Variants in PLPP4 observed in about 807,000 individuals in gnomAD.
PLPP4 encodes the protein diacylglycerol pyrophosphate like 2.
A neutral mutation model predicts 32.2 loss-of-function variants in PLPP4; 20 were observed. The ratio of observed to expected loss-of-function variants is 0.62; its 90% CI spans 0.44 to 0.90. The LOEUF (loss-of-function observed/expected upper bound fraction) is 0.90. Ranked by LOEUF, PLPP4 falls within the 40% of genes least tolerant of loss-of-function variation. PLPP4 has a pLI of 0.00. For missense variants in PLPP4, 257 were observed against 353.1 expected (o/e 0.73, Z 2.18); for synonymous variants, 127 against 133.0 (o/e 0.95, Z 0.31).
At position 120,542,113 on chromosome 10, in the gene PLPP4, G is replaced by A. The variant is rs1452513964; in HGVS notation, c.445+21018G>A. On this transcript the variant is annotated intron_variant, in intron 5 of 6. Transcript: ENST00000398250. ...CCACATGTAATGAGCACAGCAAGGC[G>A]CTGTTGCCTGCTAGCCTCCAGCTTG... Among the ~76,000 whole-genome samples, 4 of 152,300 alleles carry A rather than the reference G, an allele frequency of 2.6e-5. No individual in the cohort carries two copies. In the South Asian group the frequency reaches 6.2e-4, roughly 24 times the overall value.
rs548092267 is a variant in PLPP4, at chr10:120,591,539, A to G, written c.*2037A>G. Among the ~76,000 whole-genome samples, 13 of 152,274 alleles carry G rather than the reference A, an allele frequency of 8.5e-5. No individual in the cohort carries two copies. The highest frequency in any genetic ancestry group is 3.1e-4 in the African/African-American group (13 of 41,564). On this transcript the variant is annotated 3_prime_UTR_variant, in exon 7 of 7. Transcript: ENST00000398250. The stretch of plus-strand genomic sequence containing the variant: ...AAATTAGAAAATTAAACAATACTCT[A>G]ATTTAACTAAAAACTCTATAATTTT...
rs78873779 is a variant in PLPP4, at chr10:120,467,349, C to T, written c.56+9988C>T. 3.1e-5 allele frequency among the ~76,000 whole-genome samples: 2 copies of T among 64,484 alleles called. 1 individual carries two copies. The highest frequency in any genetic ancestry group is 9.0e-5 in the Non-Finnish European group (2 of 22,214). The allele number at this position is 64,484 out of a possible 152,430, so 42.3% of individuals were successfully genotyped here. ...TCGTGATCTGCCCGCCTCAGCCTCC[C>T]AAAGTGCTGGGATTACAGGCGTGAG... On this transcript the variant is annotated intron_variant, in intron 1 of 6. Transcript: ENST00000398250.
At chr10:120,462,082 G>A (rs1848076385) in intron 1 of PLPP4, among the ~76,000 whole-genome samples, 1 of 152,210 alleles carries the variant, frequency 6.6e-6, no homozygotes, top group Non-Finnish European at 1.5e-5. Flanking sequence ...GCATGTGCCA[G>A]GGAAGGCTGC....
At chr10:120,550,988 A>C (rs189423436) in intron 5 of PLPP4, among the ~76,000 whole-genome samples, 9 of 152,224 alleles carry the variant, frequency 5.9e-5, no homozygotes, top group African/African-American at 2.2e-4. Context: ...TTTACAGTTC[A>C]TATGTCTCAA....
intron 5 of PLPP4, among the ~76,000 whole-genome samples, chr10:120,523,840 G>C (rs760947078): frequency 6.6e-6 from 1 of 152,152 alleles, no homozygotes; most frequent in Non-Finnish European, 1.5e-5. Flanking sequence ...GTCTACTGTT[G>C]CATTTGAACT....
rs78054352 is a variant in PLPP4, at chr10:120,557,598, C to T, written c.446-17533C>T. ...CTGGTTAGCTGAATCACAGTTGTCA[C>T]AAAAAAATGCTATGTAAAGCCTCCC... On this transcript the variant is annotated intron_variant, in intron 5 of 6. Transcript: ENST00000398250. 5.8e-3 allele frequency among the ~76,000 whole-genome samples: 880 copies of T among 152,202 alleles called. 12 individuals carry two copies. Among genetic ancestry groups the T allele is most frequent in the African/African-American group, 0.02 (833 of 41,532 alleles).
intron 6 of PLPP4, among the ~76,000 whole-genome samples, chr10:120,579,637 T>C (rs188547068): frequency 7.7e-4 from 117 of 152,272 alleles, no homozygotes; most frequent in Non-Finnish European, 1.2e-3. Flanking sequence ...AACCCTTTTT[T>C]CAAAGCCTGA....
At chr10:120,584,429 C>G (rs1447815170) in intron 6 of PLPP4, among the ~76,000 whole-genome samples, 1 of 152,230 alleles carries the variant, frequency 6.6e-6, no homozygotes, top group Admixed American at 6.5e-5. Flanking sequence ...ATTCGTTCAG[C>G]CTGTGTCCTA....
intron 5 of PLPP4, among the ~76,000 whole-genome samples, chr10:120,549,055 A>G (rs1049680720): frequency 1.3e-5 from 2 of 151,730 alleles, no homozygotes; most frequent in Non-Finnish European, 2.9e-5. Flanking sequence ...GATTCTAGAC[A>G]TGAGGGAGAA....
chr10:120,464,476 A>G (rs532843083), intron 1 of PLPP4, among the ~76,000 whole-genome samples: 94 of 152,296 alleles, frequency 6.2e-4, no homozygotes, highest in Non-Finnish European at 1.1e-3. Context: ...AAACTCCTGG[A>G]AGTGTATTTC....
intron 6 of PLPP4, among the ~76,000 whole-genome samples, chr10:120,588,461 CA>C (rs1030269892): frequency 6.6e-6 from 1 of 152,192 alleles, no homozygotes; most frequent in Non-Finnish European, 1.5e-5. Flanking sequence ...CCAACACAGG[CA>C]TATCTTAAAA....
At chr10:120,457,927 G>A (rs1589696320) in intron 1 of PLPP4, among the ~76,000 whole-genome samples, 1 of 152,230 alleles carries the variant, frequency 6.6e-6, no homozygotes, top group East Asian at 1.9e-4. Context: ...GCAGGCCGGG[G>A]TGGGATACAC....
At chr10:120,566,264 G>GT (rs1175011316) in intron 5 of PLPP4, among the ~76,000 whole-genome samples, 22 of 152,046 alleles carry the variant, frequency 1.4e-4, no homozygotes, top group African/African-American at 5.3e-4. Flanking sequence ...TTTCCTAGAA[G>GT]TTTATTTTTT....
chr10:120,585,495 G>A (rs1458023834), intron 6 of PLPP4, among the ~76,000 whole-genome samples: 1 of 152,208 alleles, frequency 6.6e-6, no homozygotes, highest in African/African-American at 2.4e-5. Flanking sequence ...TGGAATGTGA[G>A]AGGAATGGCA....
chr10:120,527,345 C>T (rs76560373), intron 5 of PLPP4, among the ~76,000 whole-genome samples: 1,867 of 152,264 alleles, frequency 0.012, 14 homozygotes, highest in Non-Finnish European at 0.015. Context: ...GCAGTCTTGA[C>T]GTAGAACTCC....
At chr10:120,508,619 G>A (rs920115297) in intron 2 of PLPP4, among the ~76,000 whole-genome samples, 1 of 152,176 alleles carries the variant, frequency 6.6e-6, no homozygotes, top group Non-Finnish European at 1.5e-5. Flanking sequence ...ACATCAGCAG[G>A]TGGGGATGAC....
At chr10:120,535,707 C>T (rs1308423652) in intron 5 of PLPP4, among the ~76,000 whole-genome samples, 2 of 152,064 alleles carry the variant, frequency 1.3e-5, no homozygotes, top group Non-Finnish European at 2.9e-5. Context: ...TAAATGTCCT[C>T]GTTTTTTATT....
rs1849987531 is a variant in PLPP4 at position 120,591,346 on chromosome 10, GA to G, written c.*1845del. ...TGATTGTCCCCTGGATGGAGTGGGA[GA>G]GGGGGAGGCTTGAATTGACTTTCAT... On this transcript the variant is annotated 3_prime_UTR_variant, in exon 7 of 7. Coordinates refer to ENST00000398250, the MANE Select transcript of PLPP4 (RefSeq NM_001030059.3). Among the ~76,000 whole-genome samples, 3 of 152,170 alleles carry G rather than the reference GA, an allele frequency of 2.0e-5. No individual in the cohort carries two copies. Among genetic ancestry groups the G allele is most frequent in the Non-Finnish European group, 2.9e-5 (2 of 68,034 alleles).
chr10:120,574,954 T>C (rs1849145446), intron 5 of PLPP4, among the ~76,000 whole-genome samples, 177 bp from the exon 6 acceptor site: 1 of 152,206 alleles, frequency 6.6e-6, no homozygotes, highest in South Asian at 2.1e-4. Context: ...ATTCTTATGG[T>C]TGAAAGTTTC....
Sources: allele counts gnomAD v4.1 joint callset (sites outside exome capture counted in the v4.1 genomes callset), GRCh38; gene constraint gnomAD v4.1.1; transcripts MANE v1.5; gene names NCBI Gene and HGNC (gene_info 2026-07-23, HGNC 2026-07-21).